FAHD1: variants seen among roughly 807,000 people sequenced by gnomAD.
FAHD1 encodes oxaloacetate tautomerase FAHD1, mitochondrial.
A neutral mutation model predicts 12.7 loss-of-function variants in FAHD1; 14 were observed. The ratio of observed to expected loss-of-function variants is 1.10; its 90% confidence interval spans 0.73 to 1.72. FAHD1 has a LOEUF of 1.72. Ranked by LOEUF, FAHD1 falls within the 40% of genes most tolerant of loss-of-function variation. FAHD1 has a pLI of 0.00. For synonymous variants in FAHD1, 153 were observed against 124.9 expected, an observed-to-expected ratio of 1.22 and a Z score of -1.50; for missense variants, 351 against 298.9, an observed-to-expected ratio of 1.17 and a Z score of -1.29.
intron 2 of FAHD1, among the ~76,000 whole-genome samples, chr16:1,838,399 A>G (rs1034039330): frequency 6.6e-6 from 1 of 152,170 alleles, no homozygotes; most frequent in Non-Finnish European, 1.5e-5. Flanking sequence ...TCCCCTCAAT[A>G]AAGTGGAAGC....
At chr16:1,832,292 T>C (rs1898635819), downstream of FAHD1, among the ~76,000 whole-genome samples, 1 of 146,854 alleles carries the variant, frequency 6.8e-6, no homozygotes, top group South Asian at 2.2e-4. Flanking sequence ...TGCCTCAGCC[T>C]CCCGAGTAGC....
chr16:1,837,960 A>G, intron 1 of FAHD1: 1 of 1,447,968 alleles, frequency 6.9e-7, no homozygotes. Context: ...CTTTCTCATT[A>G]GAAATGAAAT....
At chr16:1,838,811 C>G (rs1898818237) in intron 2 of FAHD1, among the ~76,000 whole-genome samples, 1 of 152,100 alleles carries the variant, frequency 6.6e-6, no homozygotes, top group Admixed American at 6.6e-5. Context: ...CGTGCCCCAG[C>G]CTCCTGAGTA....
exon 1 of FAHD1, chr16:1,827,277 G>T: frequency 6.2e-7 from 1 of 1,612,860 alleles, no homozygotes; most frequent in Non-Finnish European, 8.5e-7. Context: ...TCTGGGAGTG[G>T]GGAAAGAACA....
chr16:1,837,101 G>T (rs1343067592), intron 1 of FAHD1, among the ~76,000 whole-genome samples: 2 of 152,112 alleles, frequency 1.3e-5, no homozygotes, highest in East Asian at 1.9e-4. Flanking sequence ...CTGACACCTT[G>T]AACACAAAGA....
At chr16:1,837,604 T>C (rs1898784624) in intron 1 of FAHD1, 1 of 460,476 alleles carries the variant, frequency 2.2e-6, no homozygotes, top group Non-Finnish European at 3.9e-6. Flanking sequence ...AACTCCTTTA[T>C]ACAATATGAA....
downstream of FAHD1, among the ~76,000 whole-genome samples, chr16:1,830,650 G>C (rs974337855): frequency 2.0e-5 from 3 of 152,168 alleles, no homozygotes; most frequent in Admixed American, 1.3e-4. Flanking sequence ...TTAGATGCAA[G>C]AATCAAAAAC....
At chr16:1,827,901 T>C in exon 1 of FAHD1, 3 of 1,611,542 alleles carry the variant, frequency 1.9e-6, no homozygotes, top group Non-Finnish European at 2.5e-6. Context: ...AGCCAGAATA[T>C]TGAGTTATTT....
downstream of FAHD1, among the ~76,000 whole-genome samples, chr16:1,832,372 C>T (rs1421917439): frequency 2.7e-5 from 4 of 150,896 alleles, no homozygotes; most frequent in African/African-American, 4.8e-5. Context: ...AGGGCTTCAC[C>T]GTGTTAGCCA....
rs146295802 is a variant in FAHD1, at chr16:1,836,547, C to A, written c.628-1469C>A. Among the ~76,000 whole-genome samples, 290 of 147,388 alleles carry A rather than the reference C, an allele frequency of 2.0e-3. 3 individuals are homozygous for A. The highest frequency in any genetic ancestry group is 6.9e-3 in the African/African-American group (282 of 40,988). On this transcript the variant is annotated intron_variant, in intron 1 of 2. Coordinates refer to the FAHD1 transcript ENST00000382666. The stretch of plus-strand genomic sequence containing the variant: ...GTTGAAGAGATGCAGCATCTTACTG[C>A]AACTTTACTGCCTTTGGCCTGGTAG...
downstream of FAHD1, among the ~76,000 whole-genome samples, chr16:1,829,317 AGTTTATTCTGTATTTCCAC>A (rs1413594498): frequency 6.6e-6 from 1 of 152,190 alleles, no homozygotes; most frequent in African/African-American, 2.4e-5. Flanking sequence ...CATGCCAAGC[AGTTTATTCTGTATTTCCAC>A]GTGTTATGTA....
At chr16:1,831,179 C>A (rs62038396), downstream of FAHD1, among the ~76,000 whole-genome samples, 5,212 of 152,222 alleles carry the variant, frequency 0.034, 144 homozygotes, top group Admixed American at 0.094. Flanking sequence ...TATTACACAT[C>A]CACTTAATAT....
exon 1 of FAHD1, chr16:1,827,367 G>A (rs749749641): frequency 3.1e-6 from 5 of 1,612,800 alleles, no homozygotes; most frequent in East Asian, 2.2e-5. Context: ...TGCTGTTCCT[G>A]AAGCCGTCCA....
At chr16:1,833,300 G>T (rs530381471), downstream of FAHD1, among the ~76,000 whole-genome samples, 4 of 152,054 alleles carry the variant, frequency 2.6e-5, no homozygotes, top group Non-Finnish European at 5.9e-5. Context: ...TTTTGAAGTT[G>T]GTCTCCTCCC....
chr16:1,831,153 T>C (rs1898615219), downstream of FAHD1, among the ~76,000 whole-genome samples: 1 of 152,180 alleles, frequency 6.6e-6, no homozygotes, highest in African/African-American at 2.4e-5. Context: ...TGATTGGCCT[T>C]TTATAAAAAA....
rs144626961 is a variant in FAHD1 at position 1,839,127 on chromosome 16, A to AT, written c.*9-129dup. The AT allele has an allele frequency of 5.5e-3, 6,154 of 1,124,716 alleles. 262 individuals are homozygous for AT. In the African/African-American group the frequency reaches 0.088, roughly 16 times the overall value. 69.7% of individuals were successfully genotyped at this position (1,124,716 alleles called of 1,614,324 possible). Reference sequence around the variant, plus strand: ...AGCAATGTGTGTTTAAAGCAAGATGATTTTTTCCCAGGCTGTTTATTAGTG... The same window carrying AT: ...AGCAATGTGTGTTTAAAGCAAGATGATTTTTTTCCCAGGCTGTTTATTAGTG... On this transcript the variant is annotated intron_variant, in intron 2 of 2. Coordinates refer to the FAHD1 transcript ENST00000382666.
In FAHD1 at chr16:1,838,026, TCA is replaced by T; in HGVS notation, c.640_641del (p.Thr214SerfsTer50). The T allele has an allele frequency of 7.3e-7, 1 of 1,375,978 alleles. No homozygotes were observed. Among genetic ancestry groups the T allele is most frequent in the East Asian group, 2.5e-5 (1 of 39,666 alleles). 85.2% of individuals were successfully genotyped at this position (1,375,978 alleles called of 1,614,324 possible). On this transcript the variant is annotated frameshift_variant, in exon 2 of 3. Transcript: ENST00000382666. LOFTEE classifies it high-confidence loss of function. ...TGTTTTTGTTTGTAGAGACAGGGTC[TCA>T]CTCTGTCGCCCAAGCTGGAGTGCAG...
At chr16:1,830,945 C>CACACACACACACCCCCCACCCACCT, downstream of FAHD1, among the ~76,000 whole-genome samples, 1 of 19,486 alleles carries the variant, frequency 5.1e-5, no homozygotes, top group South Asian at 1.5e-3. Flanking sequence ...CACACACACA[C>CACACACACACACCCCCCACCCACCT]CCATATTTTG....
downstream of FAHD1, among the ~76,000 whole-genome samples, chr16:1,829,303 G>A (rs1898581342): frequency 6.6e-6 from 1 of 152,094 alleles, no homozygotes. Flanking sequence ...GTACTGTTAG[G>A]CACCATGCCA....
Sources: gnomAD v4.1 joint callset for allele counts (sites outside exome capture counted in the v4.1 genomes callset) on GRCh38, gnomAD v4.1.1 for gene constraint, MANE v1.5 for transcripts, NCBI Gene and HGNC (gene_info 2026-07-23, HGNC 2026-07-21) for gene names.